Variants in IL12A observed in about 807,000 individuals in gnomAD.
The protein encoded by IL12A is interleukin-12 subunit alpha.
IL12A carries 16 observed loss-of-function variants against 23.5 expected under a neutral mutation model. The observed-to-expected ratio is 0.68, with a 90% CI of 0.46 to 1.03. The LOEUF (loss-of-function observed/expected upper bound fraction) is 1.03, where lower values mean the gene tolerates loss of function less well. IL12A is among the 50% of genes least tolerant of loss of function. IL12A has a pLI of 0.00. For missense variants in IL12A, 275 were observed against 307.0 expected, an observed-to-expected ratio of 0.90 and a Z score of 0.78; for synonymous variants, 106 against 111.5, an observed-to-expected ratio of 0.95 and a Z score of 0.31.
intron 1 of IL12A, 32 bp downstream of exon 1, chr3:159,989,206 G>T (rs1408867749): frequency 1.9e-6 from 3 of 1,568,806 alleles, no homozygotes; most frequent in Admixed American, 3.4e-5. Flanking sequence ...TCTTTGGCTC[G>T]CTCGGGTGCG....
Position 159,990,328 on chromosome 3 carries a change from C to T in IL12A, c.264+16C>T, listed in dbSNP as rs1349192005. On this transcript the variant is annotated intron_variant, in intron 2 of 6. Coordinates refer to ENST00000305579, the MANE Select transcript of IL12A (RefSeq NM_000882.4). ...GCTCCAGAAGGTGAGCCTTTCCTGTCCTCTCCACTGTGGACCTGCACCCTC... is the reference window on the plus strand; with the variant it reads ...GCTCCAGAAGGTGAGCCTTTCCTGTTCTCTCCACTGTGGACCTGCACCCTC... 5.6e-6 allele frequency: 9 copies of T among 1,613,578 alleles called. No homozygotes were observed. Among genetic ancestry groups the T allele is most frequent in the Non-Finnish European group, 7.6e-6 (9 of 1,179,736 alleles).
In IL12A at chr3:159,988,965, G is replaced by A. The variant is rs1720198642; in HGVS notation, c.-92G>A. Reference sequence around the variant, plus strand: ...CCGGCCGCACCGCACGTGTCACCGAGAAGCTGATGTAGAGAGAGACACAGA... The same window carrying A: ...CCGGCCGCACCGCACGTGTCACCGAAAAGCTGATGTAGAGAGAGACACAGA... On this transcript the variant is annotated 5_prime_UTR_variant, in exon 1 of 7. Coordinates refer to ENST00000305579, the MANE Select transcript of IL12A (RefSeq NM_000882.4). The A allele has an allele frequency of 9.2e-7, 1 of 1,081,692 alleles. No individual in the cohort carries two copies. Among genetic ancestry groups the A allele is most frequent in the Non-Finnish European group, 1.4e-6 (1 of 712,448 alleles). The allele number at this position is 1,081,692 out of a possible 1,614,324, so 67.0% of individuals were successfully genotyped here.
intron 1 of IL12A, 86 bp from the exon 2 acceptor site, chr3:159,990,081 T>G (rs1470430297): frequency 7.2e-7 from 1 of 1,387,108 alleles, no homozygotes; most frequent in Non-Finnish European, 1.0e-6. Context: ...CATGAATGGA[T>G]GGGTGAAGGT....
chr3:159,991,497 A>C (rs1720310181), intron 2 of IL12A, among the ~76,000 whole-genome samples: 3 of 152,202 alleles, frequency 2.0e-5, no homozygotes, highest in African/African-American at 7.2e-5. Context: ...GAAGAACAAC[A>C]CTGGACTCAC....
At chr3:159,991,788 C>T (rs1223746102) in intron 2 of IL12A, among the ~76,000 whole-genome samples, 1 of 152,182 alleles carries the variant, frequency 6.6e-6, no homozygotes, top group Non-Finnish European at 1.5e-5. Context: ...TGCCCACATT[C>T]CTTGACTTGT....
In IL12A at chr3:159,993,625, CT is replaced by C. The variant is rs749466612; in HGVS notation, c.462+19del. The C allele has an allele frequency of 6.2e-7, 1 of 1,614,174 alleles. No individual in the cohort carries two copies. Among genetic ancestry groups the C allele is most frequent in the East Asian group, 2.2e-5 (1 of 44,876 alleles). ...TTTTATGATGGTAAGACACACAGCT[CT>C]TTCCTCAAATGCAATGGGGGAAATG... On this transcript the variant is annotated intron_variant, in intron 5 of 6. Coordinates refer to ENST00000305579, the MANE Select transcript of IL12A (RefSeq NM_000882.4).
chr3:159,993,260 T>A (rs1720380350), intron 3 of IL12A, 135 bp downstream of exon 3: 1 of 726,088 alleles, frequency 1.4e-6, no homozygotes, highest in Admixed American at 2.9e-5. Flanking sequence ...GAAGTTAGAT[T>A]TGGGAGAAAA....
Position 159,993,493 on chromosome 3 carries a change from G to A in IL12A, c.420+1G>A. ...TTCCAGAGAGACCTCTTTCATAACTGTAAGTCAAAAAATGAAAAGTTTCAG... is the reference window on the plus strand; with the variant it reads ...TTCCAGAGAGACCTCTTTCATAACTATAAGTCAAAAAATGAAAAGTTTCAG... On this transcript the variant is annotated splice_donor_variant, in intron 4 of 6. Coordinates refer to ENST00000305579, the MANE Select transcript of IL12A (RefSeq NM_000882.4). LOFTEE classifies it high-confidence loss of function. 2 of 1,613,452 alleles carry A rather than the reference G, an allele frequency of 1.2e-6. No individual in the cohort carries two copies. The highest frequency in any genetic ancestry group is 1.7e-6 in the Non-Finnish European group (2 of 1,179,456).
intron 2 of IL12A, among the ~76,000 whole-genome samples, chr3:159,992,605 C>T (rs940158844): frequency 2.0e-5 from 3 of 152,204 alleles, no homozygotes; most frequent in Admixed American, 2.0e-4. Context: ...ATCCATCAGA[C>T]TGTGACCTTA....
intron 1 of IL12A, 78 bp downstream of exon 1, chr3:159,989,252 C>T (rs1053534390): frequency 1.8e-6 from 2 of 1,122,936 alleles, no homozygotes; most frequent in Non-Finnish European, 2.7e-6. Flanking sequence ...GGTAGAAACT[C>T]AAGTCTGCCT....
At chr3:159,990,059 G>A in intron 1 of IL12A, 108 bp from the exon 2 acceptor site, 1 of 1,101,544 alleles carries the variant, frequency 9.1e-7, no homozygotes, top group Non-Finnish European at 1.3e-6. Flanking sequence ...GTTGAGGGAG[G>A]TGGGTGCCAA....
rs1720194074 is a variant in IL12A, at chr3:159,988,879, C to T, written c.-178C>T. On this transcript the variant is annotated 5_prime_UTR_variant, in exon 1 of 7. Coordinates refer to ENST00000305579, the MANE Select transcript of IL12A (RefSeq NM_000882.4). ...CCGAGCTGGAGGCGGCGGGGCCGTC[C>T]CGGAACGGCTGCGGCCGGGCACCCC... The T allele has an allele frequency of 3.3e-6, 2 of 604,238 alleles. No individual in the cohort carries two copies. Among genetic ancestry groups the T allele is most frequent in the Non-Finnish European group, 5.8e-6 (2 of 342,928 alleles). The allele number at this position is 604,238 out of a possible 1,614,324, so 37.4% of individuals were successfully genotyped here. A position where few individuals can be genotyped will look rare whatever the true frequency, so the allele number is the denominator to read the frequency against.
Position 159,993,695 on chromosome 3 carries a change from A to T in IL12A, c.463-6A>T. 6.2e-7 allele frequency: 1 copy of T among 1,614,138 alleles called. No individual in the cohort carries two copies. Among genetic ancestry groups the T allele is most frequent in the African/African-American group, 1.3e-5 (1 of 75,044 alleles). On this transcript the variant is annotated splice_region_variant and splice_polypyrimidine_tract_variant and intron_variant, in intron 5 of 6. Transcript: ENST00000305579. Reference sequence around the variant, plus strand: ...GGATACTTCCCCATCTTGTCATGTCACCCAGGCCCTGTGCCTTAGTAGTAT... The same window carrying T: ...GGATACTTCCCCATCTTGTCATGTCTCCCAGGCCCTGTGCCTTAGTAGTAT...
rs767700076 is a variant in IL12A, at chr3:159,993,431, A to G, written c.379-20A>G. The G allele has an allele frequency of 3.2e-6, 5 of 1,582,774 alleles. No individual in the cohort carries two copies. The highest frequency in any genetic ancestry group is 2.6e-6 in the Non-Finnish European group (3 of 1,153,062). On this transcript the variant is annotated intron_variant, in intron 3 of 6. Coordinates refer to ENST00000305579, the MANE Select transcript of IL12A (RefSeq NM_000882.4). ...TTATACTAAGAATTAATACTTTGATATATGATTTTTTCCCTCTAGAATGAG... is the reference window on the plus strand; with the variant it reads ...TTATACTAAGAATTAATACTTTGATGTATGATTTTTTCCCTCTAGAATGAG...
intron 6 of IL12A, 82 bp from the exon 7 acceptor site, chr3:159,995,322 G>C (rs1447939298): frequency 2.6e-6 from 3 of 1,168,248 alleles, no homozygotes; most frequent in Non-Finnish European, 3.6e-6. Context: ...TCTGAGACAT[G>C]TACTGGCTTC....
rs1220425457 is a variant in IL12A at position 159,993,085 on chromosome 3, C to G, written c.338C>G (p.Thr113Ser). The change falls in exon 3 of 7, where the codon ACC (threonine) becomes AGC (serine). Residue 113 changes from threonine (T) to serine (S), a missense_variant. Coordinates refer to ENST00000305579, the MANE Select transcript of IL12A (RefSeq NM_000882.4). ...CATGAAGATATCACAAAAGATAAAA[C>G]CAGCACAGTGGAGGCCTGTTTACCA... is the stretch of plus-strand genomic sequence containing the variant. 6.2e-7 allele frequency: 1 copy of G among 1,606,674 alleles called. No individual in the cohort carries two copies. The highest frequency in any genetic ancestry group is 2.2e-5 in the East Asian group (1 of 44,838).
intron 2 of IL12A, among the ~76,000 whole-genome samples, chr3:159,991,802 C>G (rs1195073199): frequency 6.6e-6 from 1 of 152,116 alleles, no homozygotes; most frequent in Admixed American, 6.5e-5. Context: ...GACTTGTGGC[C>G]CCTTCCATTG....
chr3:159,993,026 A>G lies in IL12A; in HGVS notation c.279A>G (p.Leu93=), dbSNP rs1720370963. Residue 93 remains leucine, a synonymous_variant, in exon 3 of 7, where the codon CTA becomes CTG. Coordinates refer to ENST00000305579, the MANE Select transcript of IL12A (RefSeq NM_000882.4). Reference sequence around the variant, plus strand: ...ATTTTTTATAGGCCAGACAAACTCTAGAATTTTACCCTTGCACTTCTGAAG... The same window carrying G: ...ATTTTTTATAGGCCAGACAAACTCTGGAATTTTACCCTTGCACTTCTGAAG... 4 of 1,597,178 alleles carry G rather than the reference A, an allele frequency of 2.5e-6. No individual in the cohort carries two copies. In the South Asian group the frequency reaches 4.4e-5, roughly 18 times the overall value.
intron 4 of IL12A, 27 bp from the exon 5 acceptor site, chr3:159,993,541 C>T: frequency 6.2e-7 from 1 of 1,613,854 alleles, no homozygotes; most frequent in South Asian, 1.1e-5. Context: ...ATTCATATCA[C>T]TGATGTCTGA....
Sources: gnomAD v4.1 joint callset for allele counts (sites outside exome capture counted in the v4.1 genomes callset) on GRCh38, gnomAD v4.1.1 for gene constraint, MANE v1.5 for transcripts, NCBI Gene and HGNC (gene_info 2026-07-23, HGNC 2026-07-21) for gene names.